Variants in PIEZO1 observed in about 807,000 individuals in gnomAD.
PIEZO1 encodes the protein piezo-type mechanosensitive ion channel component 1.
In PIEZO1, 296 loss-of-function variants were observed where a neutral mutation model predicts 297.2. The observed-to-expected ratio is 1.00, with a 90% CI of 0.91 to 1.10. The LOEUF (loss-of-function observed/expected upper bound fraction) is 1.10. Among genes scored for constraint, PIEZO1 ranks in the 50% least tolerant of loss-of-function variants. The pLI, the probability that PIEZO1 is intolerant of heterozygous loss-of-function variation, is 0.00. For synonymous variants in PIEZO1, 2,427 were observed against 1,507.5 expected (o/e 1.61, Z -14.13); for missense variants, 5,018 against 3,455.5 (o/e 1.45, Z -11.34).
chr16:88,741,292 G>T (rs947102470), intron 5 of PIEZO1, 186 bp downstream of exon 5: 8 of 584,384 alleles, frequency 1.4e-5, no homozygotes, highest in African/African-American at 9.4e-5. Flanking sequence ...GTAGAAACAG[G>T]TCTGAACGGA....
intron 1 of PIEZO1, among the ~76,000 whole-genome samples, chr16:88,771,545 C>A (rs1040771086): frequency 6.6e-6 from 1 of 152,242 alleles, no homozygotes; most frequent in Non-Finnish European, 1.5e-5. Context: ...CCACACACGC[C>A]CAAGCCTGAA....
intron 1 of PIEZO1, among the ~76,000 whole-genome samples, chr16:88,769,677 C>T (rs1450909637): frequency 6.6e-6 from 1 of 152,188 alleles, no homozygotes; most frequent in East Asian, 1.9e-4. Flanking sequence ...AGGGAGAGGA[C>T]CCCGGGCCTG....
Position 88,732,607 on chromosome 16 carries a change from C to T in PIEZO1, c.2790G>A (p.Gln930=), listed in dbSNP as rs1169772232. The stretch of plus-strand genomic sequence containing the variant: ...GCCGCCCACCAGCCCTTCAACTCAC[C>T]TGGATGTAGCCCAGGTTGGGGAACC... The part of the protein sequence containing the change: ...RKGFPNLGYI[Q]NHLQVLLLLV... Residue 930 remains glutamine (Q), a splice_region_variant and synonymous_variant, in exon 20 of 51, where the codon CAG becomes CAA. Coordinates refer to ENST00000301015, the MANE Select transcript of PIEZO1 (RefSeq NM_001142864.4). 9.0e-6 allele frequency: 14 copies of T among 1,548,720 alleles called. No individual in the cohort carries two copies. Among genetic ancestry groups the T allele is most frequent in the Non-Finnish European group, 1.2e-5 (14 of 1,145,868 alleles).
intron 2 of PIEZO1, chr16:88,743,072 A>G (rs9925171): frequency 0.63 from 286,066 of 455,790 alleles, 92,090 homozygotes; most frequent in Non-Finnish European, 0.7. Flanking sequence ...CTGTGCACCC[A>G]CACCTGGCAG....
At chr16:88,742,787 A>T in intron 2 of PIEZO1, 1 of 342,586 alleles carries the variant, frequency 2.9e-6, no homozygotes, top group Non-Finnish European at 5.7e-6. Context: ...AGGAGAGGCA[A>T]GAAGCTCCAC....
intron 44 of PIEZO1, chr16:88,717,942 G>A (rs1202676097): frequency 5.4e-6 from 2 of 370,604 alleles, no homozygotes; most frequent in African/African-American, 4.3e-5. Flanking sequence ...GACTAGCCAG[G>A]CCTGGTGGTG....
At chr16:88,784,561 G>A (rs1303400732) in intron 1 of PIEZO1, among the ~76,000 whole-genome samples, 5 of 151,884 alleles carry the variant, frequency 3.3e-5, no homozygotes, top group South Asian at 4.1e-4. Context: ...CTTCCCACCG[G>A]GGCAAACACC....
intron 1 of PIEZO1, among the ~76,000 whole-genome samples, chr16:88,757,054 C>A (rs944415668): frequency 2.6e-5 from 4 of 152,084 alleles, no homozygotes; most frequent in African/African-American, 4.8e-5. Context: ...CCAGCCTGGG[C>A]GACAGAGCGA....
Position 88,749,633 on chromosome 16 carries a change from T to C in PIEZO1, c.65-154A>G, listed in dbSNP as rs8062328. ...CAGAGCCGTGGAAGCCGCCTCGCGC[T>C]TCCGTACATATCTCACACACGCCAC... On this transcript the variant is annotated intron_variant, in intron 1 of 50. Coordinates refer to ENST00000301015, the MANE Select transcript of PIEZO1 (RefSeq NM_001142864.4). Among the ~76,000 whole-genome samples, 68,005 of 152,120 alleles carry C rather than the reference T, an allele frequency of 0.45. 17,152 individuals are homozygous for C. Among genetic ancestry groups the C allele is most frequent in the African/African-American group, 0.69 (28,726 of 41,498 alleles).
chr16:88,783,288 G>T (rs905983336), intron 1 of PIEZO1, among the ~76,000 whole-genome samples: 1 of 152,246 alleles, frequency 6.6e-6, no homozygotes, highest in Admixed American at 6.5e-5. Flanking sequence ...CACCTGTTTA[G>T]GTACAGCCCA....
chr16:88,722,373 G>A lies in PIEZO1; in HGVS notation c.4800C>T (p.Leu1600=). 3.3e-6 allele frequency: 5 copies of A among 1,519,182 alleles called. No individual in the cohort carries two copies. The highest frequency in any genetic ancestry group is 3.5e-6 in the Non-Finnish European group (4 of 1,130,162). 94.1% of individuals were successfully genotyped at this position (1,519,182 alleles called of 1,614,324 possible). The change falls in exon 36 of 51, where the codon CTC becomes CTT. Residue 1600 remains leucine (L), a synonymous_variant. Transcript: ENST00000301015. ...TGCCCATGTCGTCTGTCATGCTGCT[G>A]AGTGGCTCCTCCGCGCCCAGCCCAC... ...VSSGLGAEEP[L]SSMTDDMGSP...
At chr16:88,743,443 G>A (rs897931324) in intron 2 of PIEZO1, 4 of 441,602 alleles carry the variant, frequency 9.1e-6, no homozygotes, top group African/African-American at 8.0e-5. Context: ...ACGAGAAAGT[G>A]CAGAACAGCT....
intron 1 of PIEZO1, among the ~76,000 whole-genome samples, chr16:88,755,460 C>T (rs541672710): frequency 7.2e-5 from 11 of 152,342 alleles, no homozygotes; most frequent in Non-Finnish European, 1.5e-4. Context: ...ACCCCACCCG[C>T]CACGTTCCCA....
chr16:88,725,449 T>C lies in PIEZO1; in HGVS notation c.4129A>G (p.Thr1377Ala). Reference protein sequence around the residue: ...GRVDRSRPQDTLGPKDPGLEP... With the variant: ...GRVDRSRPQDALGPKDPGLEP... Reference sequence around the variant, plus strand: ...AGGCCGGGGTCCTTGGGGCCCAGGGTGTCCTGGGGGCGACTGCGGTCCACC... The same window carrying C: ...AGGCCGGGGTCCTTGGGGCCCAGGGCGTCCTGGGGGCGACTGCGGTCCACC... Residue 1377 changes from threonine (T) to alanine (A), a missense_variant, in exon 29 of 51, where the codon ACC (threonine) becomes GCC (alanine). Transcript: ENST00000301015. The C allele has an allele frequency of 6.7e-7, 1 of 1,484,526 alleles. No individual in the cohort carries two copies. The highest frequency in any genetic ancestry group is 2.3e-5 in the Admixed American group (1 of 43,058). The allele number at this position is 1,484,526 out of a possible 1,614,324, so 92.0% of individuals were successfully genotyped here. A position where few individuals can be genotyped will look rare whatever the true frequency, so the allele number is the denominator to read the frequency against.
chr16:88,780,183 G>C (rs896410508), intron 1 of PIEZO1, among the ~76,000 whole-genome samples: 13 of 152,206 alleles, frequency 8.5e-5, no homozygotes, highest in Non-Finnish European at 1.6e-4. Context: ...CGGCCAGCAG[G>C]TGTGGGACTC....
intron 44 of PIEZO1, chr16:88,718,232 A>G (rs1488445206): frequency 6.5e-6 from 1 of 154,796 alleles, no homozygotes; most frequent in Non-Finnish European, 1.4e-5. Context: ...AGAACAAAAA[A>G]GACATAGTAA....
chr16:88,731,991 G>T (rs539445849), intron 21 of PIEZO1, 81 bp from the exon 22 acceptor site: 4 of 304,874 alleles, frequency 1.3e-5, no homozygotes, highest in Non-Finnish European at 2.6e-5. Context: ...GCAGGCCTCA[G>T]GCTTGCAGCA....
In PIEZO1 at chr16:88,733,404, G is replaced by C; in HGVS notation, c.2538C>G (p.Pro846=). The stretch of plus-strand genomic sequence containing the variant: ...AGGCCATGGGCCGGAAGCGTGGGTA[G>C]GGCAGGGCGAAGGCCCACAGCACCA... The part of the protein sequence containing the change: ...LLVVLWAFAL[P]YPRFRPMASC... Residue 846 remains proline (P), a synonymous_variant, in exon 19 of 51, where the codon CCC becomes CCG. Transcript: ENST00000301015. The C allele has an allele frequency of 6.5e-7, 1 of 1,550,092 alleles. No individual in the cohort carries two copies. The highest frequency in any genetic ancestry group is 1.4e-5 in the African/African-American group (1 of 73,168).
At chr16:88,755,960 G>C (rs1447101387) in intron 1 of PIEZO1, among the ~76,000 whole-genome samples, 1 of 152,202 alleles carries the variant, frequency 6.6e-6, no homozygotes, top group Non-Finnish European at 1.5e-5. Flanking sequence ...TCGGAGCGGG[G>C]AGGGCGGGGG....
Sources: allele counts gnomAD v4.1 joint callset (sites outside exome capture counted in the v4.1 genomes callset), GRCh38; gene constraint gnomAD v4.1.1; transcripts MANE v1.5; gene names NCBI Gene and HGNC (gene_info 2026-07-23, HGNC 2026-07-21).